The following METTL15 variants were observed in gnomAD, a reference collection of about 807,000 sequenced individuals.
METTL15 encodes methyltransferase 15, mitochondrial 12S rRNA N4-cytidine.
METTL15 carries 34 observed loss-of-function variants against 38.3 expected under a neutral mutation model. The observed-to-expected ratio is 0.89, with a 90% confidence interval of 0.68 to 1.18. METTL15 has a LOEUF of 1.18. Among genes scored for constraint, METTL15 ranks in the 50% most tolerant of loss-of-function variants. METTL15 has a pLI of 0.00. For missense variants in METTL15, 438 were observed against 498.4 expected, an observed-to-expected ratio of 0.88 and a Z score of 1.15; for synonymous variants, 162 against 170.9, an observed-to-expected ratio of 0.95 and a Z score of 0.41.
chr11:28,522,055 G>T (rs187282223), intron 6 of METTL15, among the ~76,000 whole-genome samples: 67 of 152,296 alleles, frequency 4.4e-4, no homozygotes, highest in Non-Finnish European at 7.1e-4. Flanking sequence ...AATGAATGCT[G>T]TATCATTAAA....
At chr11:28,511,332 A>G (rs939925658) in intron 6 of METTL15, among the ~76,000 whole-genome samples, 2 of 152,244 alleles carry the variant, frequency 1.3e-5, no homozygotes, top group South Asian at 4.1e-4. Context: ...TGTATTATAT[A>G]TACTGTATTT....
At chr11:28,340,513 A>T (rs1434114823) in intron 3 of METTL15, among the ~76,000 whole-genome samples, 1 of 152,176 alleles carries the variant, frequency 6.6e-6, no homozygotes, top group Non-Finnish European at 1.5e-5. Context: ...TGGGCAAAGG[A>T]TATGAACAGA....
At chr11:28,345,249 C>T (rs1489384449) in intron 3 of METTL15, among the ~76,000 whole-genome samples, 3 of 152,180 alleles carry the variant, frequency 2.0e-5, no homozygotes, top group Admixed American at 6.5e-5. Context: ...AGTGCAATGA[C>T]GTGATCTCGG....
intron 4 of METTL15, among the ~76,000 whole-genome samples, chr11:28,263,043 C>T (rs542678555): frequency 1.3e-5 from 2 of 151,852 alleles, no homozygotes; most frequent in African/African-American, 4.8e-5. Flanking sequence ...CCATTTTAAT[C>T]TCTTAAAAAA....
At chr11:28,416,650 T>G (rs1457127168) in intron 5 of METTL15, among the ~76,000 whole-genome samples, 1 of 152,154 alleles carries the variant, frequency 6.6e-6, no homozygotes, top group African/African-American at 2.4e-5. Flanking sequence ...AGGGACTTGT[T>G]AAAAATAAAT....
intron 3 of METTL15, among the ~76,000 whole-genome samples, chr11:28,120,538 AC>A (rs1852183540): frequency 6.6e-6 from 1 of 151,820 alleles, no homozygotes; most frequent in East Asian, 1.9e-4. Context: ...TTAAAAAAAA[AC>A]AAAAAAAAAT....
intron 6 of METTL15, among the ~76,000 whole-genome samples, chr11:28,475,760 T>G (rs1851341253): frequency 6.6e-6 from 1 of 152,216 alleles, no homozygotes; most frequent in Non-Finnish European, 1.5e-5. Flanking sequence ...TCAACCTTAA[T>G]CGTATGTTTT....
intron 6 of METTL15, among the ~76,000 whole-genome samples, chr11:28,483,160 T>C (rs992065262): frequency 3.9e-5 from 6 of 152,132 alleles, no homozygotes; most frequent in African/African-American, 1.4e-4. Flanking sequence ...CAGCAATGCA[T>C]TGGGCATAAT....
At chr11:28,179,414 C>T (rs928789319) in intron 3 of METTL15, among the ~76,000 whole-genome samples, 6 of 151,668 alleles carry the variant, frequency 4.0e-5, no homozygotes, top group African/African-American at 1.2e-4. Context: ...AATTACTACT[C>T]AAATGAAGAT....
At chr11:28,447,279 C>T (rs1851083293) in intron 6 of METTL15, among the ~76,000 whole-genome samples, 1 of 152,046 alleles carries the variant, frequency 6.6e-6, no homozygotes, top group Non-Finnish European at 1.5e-5. Context: ...AGTAGAGAAA[C>T]AACAGACTGG....
chr11:28,148,327 C>T (rs1849960703), intron 3 of METTL15, among the ~76,000 whole-genome samples: 1 of 151,796 alleles, frequency 6.6e-6, no homozygotes, highest in Non-Finnish European at 1.5e-5. Flanking sequence ...TTCCATGTTA[C>T]GCTGATTGCT....
intron 3 of METTL15, chr11:28,134,621 AG>A (rs934700488): frequency 2.5e-6 from 1 of 398,276 alleles, no homozygotes; most frequent in African/African-American, 2.1e-5. Context: ...GTTTTGGAAA[AG>A]CGGCAGTTAG....
At chr11:28,496,399 A>G (rs1332079613) in intron 6 of METTL15, among the ~76,000 whole-genome samples, 2 of 152,212 alleles carry the variant, frequency 1.3e-5, no homozygotes, top group Non-Finnish European at 2.9e-5. Flanking sequence ...GGGGATTATT[A>G]CAATTCAAGG....
intron 6 of METTL15, among the ~76,000 whole-genome samples, chr11:28,506,323 T>C (rs1013468691): frequency 6.6e-6 from 1 of 152,228 alleles, no homozygotes; most frequent in Admixed American, 6.5e-5. Context: ...GACTTTGAAA[T>C]TAGACAAACC....
chr11:28,312,257 G>T (rs1364527639), intron 6 of METTL15, among the ~76,000 whole-genome samples: 1 of 152,140 alleles, frequency 6.6e-6, no homozygotes, highest in African/African-American at 2.4e-5. Flanking sequence ...GGAGATTTCT[G>T]TTGCCCAATT....
At position 28,340,821 on chromosome 11, in the gene METTL15, G is replaced by A. The variant is rs542286332; in HGVS notation, c.*190-11269G>A. On this transcript the variant is annotated intron_variant and NMD_transcript_variant, in intron 3 of 7. Coordinates refer to the METTL15 transcript ENST00000532947. ...TTTGACCCAGCAATCCCATCACTAG[G>A]TGTATACCCAAAGGATTATAAATCA... Among the ~76,000 whole-genome samples, 13 of 152,222 alleles carry A rather than the reference G, an allele frequency of 8.5e-5. No individual in the cohort carries two copies. The South Asian group carries it at 1.2e-3, about 15-fold the overall frequency.
chr11:28,405,355 A>G (rs762063244), intron 5 of METTL15, among the ~76,000 whole-genome samples: 2 of 152,198 alleles, frequency 1.3e-5, no homozygotes, highest in African/African-American at 2.4e-5. Context: ...CAAGACATGC[A>G]GTGCTTGCCA....
intron 3 of METTL15, among the ~76,000 whole-genome samples, chr11:28,346,821 G>A (rs1850000511): frequency 6.6e-6 from 1 of 152,118 alleles, no homozygotes; most frequent in Admixed American, 6.5e-5. Context: ...AATACATCAA[G>A]TAACTCCAGG....
At chr11:28,265,630 T>C (rs187236082) in intron 4 of METTL15, among the ~76,000 whole-genome samples, 17 of 152,210 alleles carry the variant, frequency 1.1e-4, no homozygotes, top group Admixed American at 7.8e-4. Flanking sequence ...AGTATTAATT[T>C]TGAAATTTCT....
Sources: gnomAD v4.1 joint callset for allele counts (sites outside exome capture counted in the v4.1 genomes callset) on GRCh38, gnomAD v4.1.1 for gene constraint, MANE v1.5 for transcripts, NCBI Gene and HGNC (gene_info 2026-07-23, HGNC 2026-07-21) for gene names.